MVP: variants seen among roughly 807,000 people sequenced by gnomAD.
MVP encodes the protein lung resistance-related protein.
MVP carries 62 observed loss-of-function variants against 83.5 expected under a neutral mutation model. That is an observed-to-expected ratio of 0.74 (90% CI 0.61 to 0.92). The LOEUF (loss-of-function observed/expected upper bound fraction) is 0.92. Among genes scored for constraint, MVP ranks in the 40% least tolerant of loss-of-function variants. The pLI is 0.00. For synonymous variants in MVP, 505 were observed against 504.1 expected, an observed-to-expected ratio of 1.00 and a Z score of -0.02; for missense variants, 1,000 against 1,203.4, an observed-to-expected ratio of 0.83 and a Z score of 2.50.
intron 8 of MVP, 126 bp downstream of exon 8, chr16:29,840,585 C>A: frequency 8.7e-7 from 1 of 1,152,688 alleles, no homozygotes; most frequent in Non-Finnish European, 1.2e-6. Flanking sequence ...GGTGGGCTGT[C>A]TGGTTGGGGG....
chr16:29,829,955 C>G (rs886731050), intron 1 of MVP: 1 of 153,366 alleles, frequency 6.5e-6, no homozygotes, highest in Non-Finnish European at 1.5e-5. Context: ...ATGGCCGAAT[C>G]CTAGCCACTG....
chr16:29,836,570 T>TC, intron 6 of MVP, 152 bp from the exon 7 acceptor site: 1 of 659,110 alleles, frequency 1.5e-6, no homozygotes, highest in Non-Finnish European at 2.5e-6. Context: ...AGAGAGAGAC[T>TC]CCGATTTAAA....
chr16:29,840,159 C>T lies in MVP; in HGVS notation c.910-19C>T. The T allele has an allele frequency of 1.3e-6, 2 of 1,588,262 alleles. No homozygotes were observed. ...GCAACCCTAAAGGCACTGACCCTAA[C>T]CTCACGTCTCCCCACTAGGGAGAGA... On this transcript the variant is annotated intron_variant, in intron 7 of 14. Transcript: ENST00000357402.
intron 1 of MVP, among the ~76,000 whole-genome samples, chr16:29,822,294 C>T (rs1179803836): frequency 2.0e-5 from 3 of 148,656 alleles, no homozygotes; most frequent in Non-Finnish European, 1.5e-5. Flanking sequence ...TGTTCTGTCT[C>T]GAAAAGTTCC....
intron 5 of MVP, chr16:29,834,617 G>T (rs935477853): frequency 3.1e-5 from 5 of 162,990 alleles, no homozygotes; most frequent in Admixed American, 1.8e-4. Context: ...GCAGTGAGCT[G>T]TGACTGCACC....
Position 29,841,706 on chromosome 16 carries a change from G to A in MVP, c.1302G>A (p.Leu434=). 6.2e-7 allele frequency: 1 copy of A among 1,612,504 alleles called. No homozygotes were observed. Residue 434 remains leucine, a synonymous_variant, in exon 9 of 15, where the codon CTG becomes CTA. Coordinates refer to ENST00000357402, the MANE Select transcript of MVP (RefSeq NM_005115.5). This position sits in a 1 kb window ranked among gnomAD's most constrained non-coding sequence, Gnocchi z 4.7. ...TGCTGAACAAGGGGCAGGACCCTCT[G>A]GCAGACAGGGGTGAGAAGGACACAG... The part of the protein sequence containing the change: ...EELLNKGQDP[L]ADRGEKDTAK...
In MVP at chr16:29,839,105, T is replaced by C. The variant is rs377240382; in HGVS notation, c.910-1073T>C. The stretch of plus-strand genomic sequence containing the variant: ...CGGGAGGCTGAGACAGGAGAATCTC[T>C]TGAACCTGGAAGACAGTAGTTGCAG... On this transcript the variant is annotated intron_variant, in intron 7 of 14. Transcript: ENST00000357402. Among the ~76,000 whole-genome samples, 25 of 152,222 alleles carry C rather than the reference T, an allele frequency of 1.6e-4. No homozygotes were observed. In the East Asian group the frequency reaches 4.4e-3, roughly 27 times the overall value.
chr16:29,840,521 C>T, intron 8 of MVP, 62 bp downstream of exon 8: 1 of 1,509,762 alleles, frequency 6.6e-7, no homozygotes, highest in Non-Finnish European at 8.9e-7. Context: ...GCGGCTTCCT[C>T]TGGGTGTGTG....
At chr16:29,844,983 C>T in intron 11 of MVP, 104 bp downstream of exon 11, 1 of 1,420,200 alleles carries the variant, frequency 7.0e-7, no homozygotes, top group South Asian at 1.4e-5. Context: ...GCCATCCCTA[C>T]CCTCAAAGAT....
In MVP at chr16:29,847,778, C is replaced by T. The variant is rs781429024; in HGVS notation, c.2471C>T (p.Ser824Phe). The change falls in exon 15 of 15, where the codon TCC becomes TTC. Residue 824 changes from serine (S) to phenylalanine (F), a missense_variant. Transcript: ENST00000357402. ...ACCCTCCAGGTAAAACTGCTCCAGT[C>T]CCTGGGCCTGAAATCAACCCTCATC... ...GPEMQVKLLQ[S>F]LGLKSTLITD... The T allele has an allele frequency of 6.2e-7, 1 of 1,614,176 alleles. No homozygotes were observed. The highest frequency in any genetic ancestry group is 8.5e-7 in the Non-Finnish European group (1 of 1,180,044).
intron 6 of MVP, among the ~76,000 whole-genome samples, chr16:29,836,436 A>G (rs954488751): frequency 3.3e-5 from 5 of 150,580 alleles, no homozygotes; most frequent in African/African-American, 9.8e-5. Flanking sequence ...TTAGCTGGGC[A>G]TGGTGTCACC....
intron 5 of MVP, chr16:29,834,623 G>A (rs2150754511): frequency 1.3e-5 from 2 of 158,450 alleles, no homozygotes; most frequent in South Asian, 3.6e-4. Context: ...AGCTGTGACT[G>A]CACCACTGCA....
At position 29,841,034 on chromosome 16, in the gene MVP, T is replaced by G. The variant is rs1264604240; in HGVS notation, c.1192-562T>G. On this transcript the variant is annotated intron_variant, in intron 8 of 14. Transcript: ENST00000357402. This position sits in a 1 kb window ranked among gnomAD's most constrained non-coding sequence, Gnocchi z 4.7. ...CCTGGTTTCCAGCATAAAGGTCTGATGGGGTGGCCAGGGAACAGGAAGGAC... is the reference window on the plus strand; with the variant it reads ...CCTGGTTTCCAGCATAAAGGTCTGAGGGGGTGGCCAGGGAACAGGAAGGAC... Among the ~76,000 whole-genome samples the G allele has an allele frequency of 1.3e-5, 2 of 151,998 alleles. No homozygotes were observed. Among genetic ancestry groups the G allele is most frequent in the Non-Finnish European group, 2.9e-5 (2 of 68,004 alleles).
Position 29,845,951 on chromosome 16 carries a change from A to G in MVP, c.2110A>G (p.Lys704Glu). Residue 704 changes from lysine (K) to glutamate (E), a missense_variant, in exon 12 of 15, where the codon AAG (lysine) becomes GAG (glutamate). By Grantham distance (56) the Lys-to-Glu change is moderately conservative (BLOSUM62 1). Coordinates refer to ENST00000357402, the MANE Select transcript of MVP (RefSeq NM_005115.5). ...CCAGTCAGAAGCCGAGAAAGCTCGC[A>G]AGGAACTTTTGGAGCTGGAGGCTCT... ...LDQSEAEKAR[K>E]ELLELEALSM... 1 of 1,614,266 alleles carries G rather than the reference A, an allele frequency of 6.2e-7. No homozygotes were observed. Among genetic ancestry groups the G allele is most frequent in the Non-Finnish European group, 8.5e-7 (1 of 1,180,052 alleles).
At position 29,830,618 on chromosome 16, in the gene MVP, C is replaced by T; in HGVS notation, c.69C>T (p.Ser23=). The T allele has an allele frequency of 6.2e-7, 1 of 1,614,064 alleles. No homozygotes were observed. The highest frequency in any genetic ancestry group is 8.5e-7 in the Non-Finnish European group (1 of 1,179,998). ...YHYIHVLDQN[S]NVSRVEVGPK... is the part of the protein sequence containing the mutation. ...ATATCCATGTGCTGGACCAGAACAG[C>T]AACGTGTCCCGTGTGGAGGTCGGGC... is the stretch of plus-strand genomic sequence containing the variant. The change falls in exon 2 of 15, where the codon AGC becomes AGT. Residue 23 remains serine (S), a synonymous_variant. Transcript: ENST00000357402.
intron 1 of MVP, among the ~76,000 whole-genome samples, chr16:29,829,117 A>C (rs1388116228): frequency 7.0e-6 from 1 of 142,532 alleles, no homozygotes; most frequent in Non-Finnish European, 1.5e-5. Flanking sequence ...TCTGCCTCTC[A>C]TAATGCTGGG....
intron 6 of MVP, among the ~76,000 whole-genome samples, 194 bp downstream of exon 6, chr16:29,835,992 G>A (rs1461736325): frequency 1.3e-5 from 2 of 152,078 alleles, no homozygotes; most frequent in Non-Finnish European, 2.9e-5. Flanking sequence ...GGGGCTGGGC[G>A]CAATGACTCA....
chr16:29,826,868 G>A (rs1232544562), intron 1 of MVP, among the ~76,000 whole-genome samples: 8 of 151,166 alleles, frequency 5.3e-5, no homozygotes, highest in Non-Finnish European at 7.4e-5. Context: ...CGGAGGTTGC[G>A]GTGAGCCGAG....
At position 29,836,780 on chromosome 16, in the gene MVP, G is replaced by C. The variant is rs561716536; in HGVS notation, c.731G>C (p.Arg244Pro). The C allele has an allele frequency of 1.9e-5, 30 of 1,612,818 alleles. No homozygotes were observed. Among genetic ancestry groups the C allele is most frequent in the Non-Finnish European group, 2.3e-5 (27 of 1,179,228 alleles). The change falls in exon 7 of 15, where the codon CGC becomes CCC. Residue 244 changes from arginine (R) to proline (P), a missense_variant. Transcript: ENST00000357402. ...CGGGACTTCAGGGGAGTGTCCCGCC[G>C]CACTGGGGAGGAGTGGCTGGTAACA... ...NFRDFRGVSRRTGEEWLVTVQ... is the reference protein window; with the variant it reads ...NFRDFRGVSRPTGEEWLVTVQ...
Sources: gnomAD v4.1 joint callset for allele counts (sites outside exome capture counted in the v4.1 genomes callset) on GRCh38, gnomAD v4.1.1 for gene constraint, Gnocchi (gnomAD v3.1) non-coding constraint, MANE v1.5 for transcripts, NCBI Gene and HGNC (gene_info 2026-07-23, HGNC 2026-07-21) for gene names.